The following CPED1 variants were observed in gnomAD, a reference collection of about 807,000 sequenced individuals.
CPED1 encodes cadherin like and PC-esterase domain containing 1.
A neutral mutation model predicts 128.2 loss-of-function variants in CPED1; 114 were observed. The ratio of observed to expected loss-of-function variants is 0.89; its 90% CI spans 0.76 to 1.04. CPED1 has a LOEUF of 1.04. Among genes scored for constraint, CPED1 ranks in the 50% least tolerant of loss-of-function variants. The pLI, the probability that CPED1 is intolerant of heterozygous loss-of-function variation, is 0.00. For missense variants in CPED1, 1,211 were observed against 1,207.1 expected (o/e 1.00, Z -0.05); for synonymous variants, 462 against 426.7 (o/e 1.08, Z -1.02).
chr7:121,100,875 T>A (rs1474072573), intron 7 of CPED1, among the ~76,000 whole-genome samples: 2 of 152,176 alleles, frequency 1.3e-5, no homozygotes, highest in Non-Finnish European at 2.9e-5. Context: ...TGGAAAATCT[T>A]CCACCTCAAG....
rs1156568409 is a variant in CPED1 at position 121,281,640 on chromosome 7, T to C, written c.2868+10210T>C. The stretch of plus-strand genomic sequence containing the variant: ...TGCTACACTGAGTCACAGAAAAGTG[T>C]GATCATTTAATAGCCTATAAGATCT... On this transcript the variant is annotated intron_variant, in intron 22 of 22. Coordinates refer to ENST00000310396, the MANE Select transcript of CPED1 (RefSeq NM_024913.5). Among the ~76,000 whole-genome samples, 5 of 152,314 alleles carry C rather than the reference T, an allele frequency of 3.3e-5. No individual in the cohort carries two copies. The East Asian group carries it at 9.6e-4, about 29-fold the overall frequency.
chr7:121,263,674 G>A (rs1792062770), intron 18 of CPED1, among the ~76,000 whole-genome samples: 2 of 151,686 alleles, frequency 1.3e-5, no homozygotes, highest in African/African-American at 4.9e-5. Flanking sequence ...TGGAAATCTA[G>A]GAATTTTGTT....
At chr7:121,192,573 G>A (rs1006984991) in intron 16 of CPED1, among the ~76,000 whole-genome samples, 6 of 151,994 alleles carry the variant, frequency 3.9e-5, no homozygotes, top group Admixed American at 1.3e-4. Context: ...CTTTGTACCC[G>A]ACACATAGCT....
intron 18 of CPED1, chr7:121,261,864 AC>A: frequency 2.8e-6 from 2 of 722,896 alleles, no homozygotes; most frequent in Non-Finnish European, 4.6e-6. Context: ...GGACTATGCA[AC>A]CAAGAAACTG....
intron 3 of CPED1, among the ~76,000 whole-genome samples, chr7:121,045,951 C>T (rs981498338): frequency 3.3e-5 from 5 of 151,974 alleles, no homozygotes; most frequent in African/African-American, 1.2e-4. Flanking sequence ...TTACCATGCT[C>T]TCAAGGGGTA....
intron 16 of CPED1, among the ~76,000 whole-genome samples, chr7:121,145,100 T>G (rs2116380450): frequency 6.6e-6 from 1 of 151,960 alleles, no homozygotes; most frequent in East Asian, 1.9e-4. Context: ...ATCTACTGTT[T>G]AAAATTATAC....
Position 121,015,861 on chromosome 7 carries a change from A to C in CPED1, c.433+13A>C. 6.9e-7 allele frequency: 1 copy of C among 1,443,208 alleles called. No homozygotes were observed. Among genetic ancestry groups the C allele is most frequent in the Non-Finnish European group, 9.1e-7 (1 of 1,097,142 alleles). 89.4% of individuals were successfully genotyped at this position (1,443,208 alleles called of 1,614,324 possible). A position where few individuals can be genotyped will look rare whatever the true frequency, so the allele number is the denominator to read the frequency against. On this transcript the variant is annotated intron_variant, in intron 3 of 22. Coordinates refer to ENST00000310396, the MANE Select transcript of CPED1 (RefSeq NM_024913.5). ...CTACTAGAACAAGGTCAGAATAGTG[A>C]GAAGTAACTGCCAAAGTCACTTGAC...
intron 2 of CPED1, among the ~76,000 whole-genome samples, chr7:121,012,659 T>C (rs2116802748): frequency 6.6e-6 from 1 of 152,342 alleles, no homozygotes; most frequent in Admixed American, 6.5e-5. Context: ...CCTTTGGTAT[T>C]GGGCCATTCT....
intron 2 of CPED1, among the ~76,000 whole-genome samples, chr7:120,990,117 A>C (rs949892475): frequency 1.3e-5 from 2 of 152,224 alleles, no homozygotes; most frequent in African/African-American, 4.8e-5. Flanking sequence ...GGAATGAAGT[A>C]GACAGTTTGG....
At chr7:121,266,923 G>A in intron 20 of CPED1, 115 bp downstream of exon 20, 1 of 737,380 alleles carries the variant, frequency 1.4e-6, no homozygotes, top group East Asian at 2.7e-5. Flanking sequence ...TTATCATTAA[G>A]TACTTAAAGT....
At chr7:121,182,218 G>A (rs1358009093) in intron 16 of CPED1, among the ~76,000 whole-genome samples, 1 of 84,992 alleles carries the variant, frequency 1.2e-5, no homozygotes, top group Non-Finnish European at 2.5e-5. Context: ...TTTTTTTTTA[G>A]TTTTAATGAT....
chr7:121,106,232 T>C (rs559795016), intron 7 of CPED1, among the ~76,000 whole-genome samples: 2 of 152,238 alleles, frequency 1.3e-5, no homozygotes, highest in African/African-American at 4.8e-5. Flanking sequence ...AATTCAGGCA[T>C]ATTTTCCCTT....
At chr7:121,257,496 G>A (rs1056493086) in intron 18 of CPED1, among the ~76,000 whole-genome samples, 6 of 149,458 alleles carry the variant, frequency 4.0e-5, no homozygotes, top group Non-Finnish European at 9.0e-5. Context: ...GCAGAGGGGA[G>A]AGCCTGAGAA....
At chr7:121,261,683 C>T (rs772073745) in intron 18 of CPED1, 9 of 1,610,464 alleles carry the variant, frequency 5.6e-6, no homozygotes, top group Non-Finnish European at 7.6e-6. Flanking sequence ...AAGACACAAT[C>T]CAGTCATCCT....
intron 17 of CPED1, among the ~76,000 whole-genome samples, chr7:121,237,960 T>C (rs1411064932): frequency 1.3e-5 from 2 of 152,310 alleles, no homozygotes; most frequent in Middle Eastern, 3.4e-3. Flanking sequence ...AAATGAGATA[T>C]ATATTATTCC....
At chr7:121,220,387 T>C (rs2116619597) in intron 16 of CPED1, among the ~76,000 whole-genome samples, 1 of 152,168 alleles carries the variant, frequency 6.6e-6, no homozygotes, top group South Asian at 2.1e-4. Flanking sequence ...CTCACTCTTA[T>C]GTTTCCTTGG....
intron 17 of CPED1, among the ~76,000 whole-genome samples, chr7:121,238,200 A>G (rs1319991889): frequency 2.0e-5 from 3 of 152,158 alleles, no homozygotes; most frequent in Non-Finnish European, 2.9e-5. Context: ...TGAGGCCGCC[A>G]TAGAACGGTG....
rs528628734 is a variant in CPED1 at position 121,238,968 on chromosome 7, G to A, written c.2173+2137G>A. 1.1e-4 allele frequency among the ~76,000 whole-genome samples: 16 copies of A among 152,128 alleles called. No individual in the cohort carries two copies. In the South Asian group the frequency reaches 3.3e-3, roughly 32 times the overall value. ...CCACAGAAGACTATGAGCAGCCAGG[G>A]CACAATCACGACAACCAACTGCTCC... On this transcript the variant is annotated intron_variant, in intron 17 of 22. Coordinates refer to ENST00000310396, the MANE Select transcript of CPED1 (RefSeq NM_024913.5).
chr7:121,211,569 C>A (rs1009276129), intron 16 of CPED1, among the ~76,000 whole-genome samples: 1 of 152,070 alleles, frequency 6.6e-6, no homozygotes, highest in African/African-American at 2.4e-5. Flanking sequence ...ACAGCAGACA[C>A]GTGACATATT....
Sources: allele counts gnomAD v4.1 joint callset (sites outside exome capture counted in the v4.1 genomes callset), GRCh38; gene constraint gnomAD v4.1.1; transcripts MANE v1.5; gene names NCBI Gene and HGNC (gene_info 2026-07-23, HGNC 2026-07-21).